The following KDM5C variants were observed in gnomAD, a reference collection of about 807,000 sequenced individuals.
The protein encoded by KDM5C is lysine-specific demethylase 5C.
KDM5C carries 16 observed loss-of-function variants against 110.6 expected under a neutral mutation model. That is an observed-to-expected ratio of 0.14 (90% CI 0.10 to 0.22). KDM5C has a LOEUF of 0.22. Among genes scored for constraint, KDM5C ranks in the 10% least tolerant of loss-of-function variants. The pLI is 1.00. For missense variants in KDM5C, 681 were observed against 1,300.9 expected, an observed-to-expected ratio of 0.52 and a Z score of 7.33; for synonymous variants, 511 against 520.4, an observed-to-expected ratio of 0.98 and a Z score of 0.24.
At chrX:53,220,598 A>G (rs2073868611) in intron 2 of KDM5C, among the ~76,000 whole-genome samples, 1 of 112,526 alleles carries the variant, frequency 8.9e-6, no homozygotes, top group Non-Finnish European at 1.9e-5. Flanking sequence ...AGAAAGGGAT[A>G]TATGTCCCCA....
At chrX:53,217,374 G>C in intron 4 of KDM5C, 97 bp from the exon 5 acceptor site, 4 of 1,035,727 alleles carry the variant, frequency 3.9e-6, no homozygotes, top group Non-Finnish European at 4.0e-6. Flanking sequence ...CAAAGCTGTG[G>C]TCCACTCACC....
chrX:53,196,971 C>T lies in KDM5C; in HGVS notation c.2696G>A (p.Gly899Glu), dbSNP rs1457261845. The T allele has an allele frequency of 5.0e-6, 6 of 1,193,372 alleles. No individual in the cohort carries two copies. The African/African-American group carries it at 8.8e-5, about 17-fold the overall frequency. The change falls in exon 19 of 26, where the codon GGG (glycine) becomes GAG (glutamate). Residue 899 changes from glycine (G) to glutamate (E), a missense_variant. By Grantham distance (98) the Gly-to-Glu change is moderately conservative. Transcript: ENST00000375401. ...CCTCTCCAACAGGGACTGCAGTAGC[C>T]CTGGACTGGAGGGCAGTGAGGCCAG... ...EALASLPSSP[G>E]LLQSLLERGR... is the part of the protein sequence containing the mutation.
intron 25 of KDM5C, among the ~76,000 whole-genome samples, chrX:53,181,783 T>C (rs1173580618): frequency 9.1e-6 from 1 of 109,424 alleles, no homozygotes; most frequent in Non-Finnish European, 1.9e-5. Flanking sequence ...TAATTTTTGA[T>C]TGGGCCAAAC....
At position 53,192,162 on chromosome X, in the gene KDM5C, C is replaced by CA. The variant is rs1224163651; in HGVS notation, c.*804dup. 5.8e-6 allele frequency: 1 copy of CA among 172,931 alleles called. No homozygotes were observed. Among genetic ancestry groups the CA allele is most frequent in the African/African-American group, 3.0e-5 (1 of 33,620 alleles). The allele number at this position is 172,931 out of a possible 1,213,427, so 14.3% of individuals were successfully genotyped here. On this transcript the variant is annotated 3_prime_UTR_variant, in exon 26 of 26. Transcript: ENST00000375401. ...GAAATGCACTTCAGAAACATGTTTC[C>CA]AAAAAATGTTTCTAAGGGTTTTATT...
rs1340097271 is a variant in KDM5C, at chrX:53,193,189, T to C, written c.4461A>G (p.Pro1487=). ...LEPKRVRSSG[P]EAEEVQEEEE... is the part of the protein sequence containing the mutation. ...CCTCCTCCTGGACCTCCTCAGCCTCTGGCCCTGAGCTCCGTACCCTCTTTG... is the reference window on the plus strand; with the variant it reads ...CCTCCTCCTGGACCTCCTCAGCCTCCGGCCCTGAGCTCCGTACCCTCTTTG... Residue 1487 remains proline (P), a synonymous_variant, in exon 26 of 26, where the codon CCA becomes CCG. Coordinates refer to ENST00000375401, the MANE Select transcript of KDM5C (RefSeq NM_004187.5). The C allele has an allele frequency of 2.5e-6, 3 of 1,208,209 alleles. No homozygotes were observed. Among genetic ancestry groups the C allele is most frequent in the Non-Finnish European group, 3.4e-6 (3 of 894,776 alleles).
At position 53,198,566 on chromosome X, in the gene KDM5C, G is replaced by T; in HGVS notation, c.2440C>A (p.Gln814Lys). Reference protein sequence around the residue: ...RRFPNSELLQQLKNCLSEAEA... With the variant: ...RRFPNSELLQKLKNCLSEAEA... ...GCCTCACTCAGGCAGTTCTTTAGTT[G>T]CTGCAGCAGCTCACTATTAGGAAAC... The change falls in exon 17 of 26, where the codon CAA becomes AAA. Residue 814 changes from glutamine to lysine, a missense_variant. Around this residue, in one of 14 missense-constraint regions of KDM5C, gnomAD observed 123 missense variants for 169.0 expected, o/e 0.73. Coordinates refer to ENST00000375401, the MANE Select transcript of KDM5C (RefSeq NM_004187.5). 2 of 1,211,271 alleles carry T rather than the reference G, an allele frequency of 1.7e-6. No homozygotes were observed. The highest frequency in any genetic ancestry group is 3.5e-5 in the South Asian group (2 of 56,854).
chrX:53,188,317 G>C (rs993640204), downstream of KDM5C, among the ~76,000 whole-genome samples: 3 of 109,250 alleles, frequency 2.7e-5, no homozygotes, highest in South Asian at 3.9e-4. Context: ...CCCGCCTCCT[G>C]GTATTCACAC....
chrX:53,218,522 C>G, intron 2 of KDM5C, 124 bp from the exon 3 acceptor site: 1 of 818,196 alleles, frequency 1.2e-6, no homozygotes, highest in Admixed American at 2.3e-5. Flanking sequence ...GGGTTTCTCC[C>G]AATGAACCGG....
chrX:53,223,549 C>A (rs2073951774), intron 1 of KDM5C, among the ~76,000 whole-genome samples: 2 of 111,696 alleles, frequency 1.8e-5, no homozygotes, highest in Non-Finnish European at 3.8e-5. Context: ...GAGACACCCA[C>A]TCAAAAACAC....
At position 53,197,048 on chromosome X, in the gene KDM5C, C is replaced by T. The variant is rs1210725648; in HGVS notation, c.2623-4G>A. On this transcript the variant is annotated splice_region_variant and splice_polypyrimidine_tract_variant and intron_variant, in intron 18 of 25. Coordinates refer to ENST00000375401, the MANE Select transcript of KDM5C (RefSeq NM_004187.5). Reference sequence around the variant, plus strand: ...CCTCCACCTGTTCCAGAACACCCTACCAGGACACAGGATGAAGAACAAACT... The same window carrying T: ...CCTCCACCTGTTCCAGAACACCCTATCAGGACACAGGATGAAGAACAAACT... 3.4e-6 allele frequency: 4 copies of T among 1,171,294 alleles called. No homozygotes were observed. The highest frequency in any genetic ancestry group is 4.6e-6 in the Non-Finnish European group (4 of 868,577).
chrX:53,217,300 G>T lies in KDM5C; in HGVS notation c.523-23C>A, dbSNP rs782252571. The stretch of plus-strand genomic sequence containing the variant: ...CTGCTGGGGACAGGTAAGGGGTAAG[G>T]GTCAGGACATGGACTCCAGCCCGCA... On this transcript the variant is annotated intron_variant, in intron 4 of 25. Transcript: ENST00000375401. 5.0e-6 allele frequency: 6 copies of T among 1,207,508 alleles called. No individual in the cohort carries two copies. The African/African-American group carries it at 1.1e-4, about 21-fold the overall frequency.
At chrX:53,222,240 G>GCA (rs1316909502) in intron 1 of KDM5C, among the ~76,000 whole-genome samples, 1 of 108,976 alleles carries the variant, frequency 9.2e-6, no homozygotes, top group Non-Finnish European at 1.9e-5. Context: ...GACCTCTTCT[G>GCA]CACACACACT....
Position 53,225,072 on chromosome X carries a change from T to A in KDM5C, c.-183A>T. ...TGCTCTGAGAGTCTCAGGCTGACTC[T>A]ACTGCTACCGCCTCTTCGTCCCGCT... On this transcript the variant is annotated 5_prime_UTR_variant, in exon 1 of 26. Coordinates refer to ENST00000375401, the MANE Select transcript of KDM5C (RefSeq NM_004187.5). 1 of 471,704 alleles carries A rather than the reference T, an allele frequency of 2.1e-6. No homozygotes were observed. Among genetic ancestry groups the A allele is most frequent in the Non-Finnish European group, 3.4e-6 (1 of 293,218 alleles). The allele number at this position is 471,704 out of a possible 1,213,427, so 38.9% of individuals were successfully genotyped here.
At chrX:53,221,612 C>G in intron 1 of KDM5C, 1 of 523,542 alleles carries the variant, frequency 1.9e-6, no homozygotes, top group Non-Finnish European at 3.0e-6. Flanking sequence ...AATGTTTGTT[C>G]TCTCAGTTTA....
chrX:53,197,105 C>A (rs1347690197), intron 18 of KDM5C, 61 bp from the exon 19 acceptor site: 2 of 871,139 alleles, frequency 2.3e-6, no homozygotes, highest in Non-Finnish European at 3.3e-6. Context: ...GGTTCCACCA[C>A]CAGATGGAAC....
intron 18 of KDM5C, 41 bp downstream of exon 18, chrX:53,197,730 T>C (rs1261305164): frequency 1.9e-6 from 2 of 1,062,804 alleles, no homozygotes; most frequent in African/African-American, 3.7e-5. Context: ...TCAGGTCCCC[T>C]GGTCCCCTTG....
chrX:53,195,020 G>A lies in KDM5C; in HGVS notation c.3349C>T (p.Arg1117Trp), dbSNP rs2146826350. 8.3e-7 allele frequency: 1 copy of A among 1,208,915 alleles called. No homozygotes were observed. Among genetic ancestry groups the A allele is most frequent in the Non-Finnish European group, 1.1e-6 (1 of 893,944 alleles). ...DAGSDSTKRS[R>W]WMEKELGLYK... ...AACCCCAGCTCCTTCTCCATCCACC[G>A]GCTGCGCTTGGTGCTGTCTGAGCCG... Residue 1117 changes from arginine (R) to tryptophan (W), a missense_variant, in exon 22 of 26, where the codon CGG (arginine) becomes TGG (tryptophan). Transcript: ENST00000375401.
Position 53,196,946 on chromosome X carries a change from C to T in KDM5C, c.2721G>A (p.Arg907=), listed in dbSNP as rs1391748530. 9.2e-6 allele frequency: 11 copies of T among 1,197,079 alleles called. No homozygotes were observed. The highest frequency in any genetic ancestry group is 2.3e-5 in the Admixed American group (1 of 44,318). Residue 907 remains arginine, a synonymous_variant, in exon 19 of 26, where the codon AGG becomes AGA. Transcript: ENST00000375401. ...SPGLLQSLLE[R]GRQLGVEVPE... is the part of the protein sequence containing the mutation. ...GCACCTCCACCCCCAGCTGCCGCCC[C>T]CTCTCCAACAGGGACTGCAGTAGCC...
intron 12 of KDM5C, among the ~76,000 whole-genome samples, chrX:53,210,155 T>C (rs2073516002): frequency 8.9e-6 from 1 of 112,593 alleles, no homozygotes; most frequent in African/African-American, 3.2e-5. Flanking sequence ...TTCCACTGGC[T>C]GGAATGTAGA....
Sources: allele counts gnomAD v4.1 joint callset (sites outside exome capture counted in the v4.1 genomes callset), GRCh38; gene constraint gnomAD v4.1.1; regional missense constraint gnomAD v4.1.1; transcripts MANE v1.5; gene names NCBI Gene and HGNC (gene_info 2026-07-23, HGNC 2026-07-21).